Variants in TCF7L1 observed in about 807,000 individuals in gnomAD.
The protein encoded by TCF7L1 is transcription factor 7 like 1.
In TCF7L1, 18 loss-of-function variants were observed where a neutral mutation model predicts 63.7. The ratio of observed to expected loss-of-function variants is 0.28; its 90% CI spans 0.20 to 0.42. The LOEUF (loss-of-function observed/expected upper bound fraction) is 0.42, where lower values mean the gene tolerates loss of function less well. Among genes scored for constraint, TCF7L1 ranks in the 10% least tolerant of loss-of-function variants. The pLI is 1.00. For missense variants in TCF7L1, 654 were observed against 779.3 expected, an observed-to-expected ratio of 0.84 and a Z score of 1.91; for synonymous variants, 355 against 340.9, an observed-to-expected ratio of 1.04 and a Z score of -0.46.
chr2:85,303,707 C>T (rs1573034530), intron 5 of TCF7L1, 188 bp from the exon 6 acceptor site: 1 of 487,896 alleles, frequency 2.0e-6, no homozygotes, highest in East Asian at 3.2e-5. Context: ...AGTCCTGCCT[C>T]CCCTGAATAT....
chr2:85,286,371 CA>C (rs113858161), intron 4 of TCF7L1, among the ~76,000 whole-genome samples: 27 of 118,278 alleles, frequency 2.3e-4, no homozygotes, highest in South Asian at 1.5e-3. Context: ...AACAAACAAA[CA>C]AAAAAAAAAA....
intron 4 of TCF7L1, among the ~76,000 whole-genome samples, chr2:85,298,011 G>A (rs1199184256): frequency 6.6e-6 from 1 of 150,764 alleles, no homozygotes; most frequent in Non-Finnish European, 1.5e-5. Flanking sequence ...AGGATGGAGT[G>A]CAGTGGTGCG....
At chr2:85,303,423 AG>A (rs1682031225) in intron 5 of TCF7L1, 1 of 152,598 alleles carries the variant, frequency 6.6e-6, no homozygotes, top group Non-Finnish European at 1.5e-5. Flanking sequence ...CAGAGTTGCC[AG>A]GGGAAGGCAA....
intron 3 of TCF7L1, among the ~76,000 whole-genome samples, chr2:85,135,564 A>T (rs991369229): frequency 1.5e-4 from 23 of 152,146 alleles, no homozygotes; most frequent in African/African-American, 5.3e-4. Flanking sequence ...GACGATAATT[A>T]AAGGGTGCTA....
chr2:85,223,924 A>G (rs1484068219), intron 3 of TCF7L1, among the ~76,000 whole-genome samples: 1 of 152,054 alleles, frequency 6.6e-6, no homozygotes, highest in East Asian at 1.9e-4. Flanking sequence ...TTCTCCTAAC[A>G]CTATCCCTCC....
chr2:85,232,744 G>A (rs575020951), intron 3 of TCF7L1, among the ~76,000 whole-genome samples: 2 of 152,224 alleles, frequency 1.3e-5, no homozygotes, highest in South Asian at 4.1e-4. Flanking sequence ...ATCCAATCCC[G>A]GTTGTCATTA....
intron 3 of TCF7L1, among the ~76,000 whole-genome samples, chr2:85,224,725 T>TCTGTAG (rs1437184065): frequency 1.3e-5 from 2 of 152,240 alleles, no homozygotes; most frequent in African/African-American, 4.8e-5. Flanking sequence ...TTTCTCCTAT[T>TCTGTAG]CTGTAGGTTG....
chr2:85,140,685 G>A (rs62162827), intron 3 of TCF7L1, among the ~76,000 whole-genome samples: 16,863 of 152,046 alleles, frequency 0.11, 1,035 homozygotes, highest in Middle Eastern at 0.14. Flanking sequence ...CTGTAATCCC[G>A]GGTACTCAGG....
intron 4 of TCF7L1, among the ~76,000 whole-genome samples, chr2:85,290,561 A>G (rs1232446468): frequency 1.3e-5 from 2 of 152,242 alleles, no homozygotes; most frequent in Admixed American, 6.5e-5. Flanking sequence ...TTGCAGTCAT[A>G]CATGAGTTCA....
At chr2:85,283,402 G>A in intron 3 of TCF7L1, 93 bp from the exon 4 acceptor site, 1 of 1,382,716 alleles carries the variant, frequency 7.2e-7, no homozygotes, top group East Asian at 2.3e-5. Context: ...CCAATGGCCT[G>A]CCCCGGTGCC....
chr2:85,204,844 A>G (rs949985995), intron 3 of TCF7L1: 89 of 152,034 alleles, frequency 5.9e-4, no homozygotes, highest in African/African-American at 2.1e-3. Context: ...TTTTTTTTTA[A>G]TAAGCAGAGA....
chr2:85,245,692 G>A (rs892311748), intron 3 of TCF7L1, among the ~76,000 whole-genome samples: 2 of 152,056 alleles, frequency 1.3e-5, no homozygotes, highest in Non-Finnish European at 2.9e-5. Context: ...GTGGGCGCTT[G>A]TAGTCCCAGC....
intron 4 of TCF7L1, among the ~76,000 whole-genome samples, chr2:85,299,302 C>A (rs1447351721): frequency 6.6e-6 from 1 of 152,036 alleles, no homozygotes; most frequent in Non-Finnish European, 1.5e-5. Context: ...GTAATCCCAG[C>A]ACTTTGGGAG....
intron 4 of TCF7L1, among the ~76,000 whole-genome samples, chr2:85,298,584 G>C (rs1573032132): frequency 6.6e-6 from 1 of 151,750 alleles, no homozygotes; most frequent in Non-Finnish European, 1.5e-5. Flanking sequence ...GAAACAGACT[G>C]AAATAGACGG....
At position 85,262,074 on chromosome 2, in the gene TCF7L1, C is replaced by T. The variant is rs571933788; in HGVS notation, c.442-21421C>T. 2.4e-5 allele frequency: 13 copies of T among 537,404 alleles called. 1 individual carries two copies. Among genetic ancestry groups the T allele is most frequent in the South Asian group, 1.4e-4 (10 of 72,462 alleles). The allele number at this position is 537,404 out of a possible 1,614,324, so 33.3% of individuals were successfully genotyped here. On this transcript the variant is annotated intron_variant, in intron 3 of 11. Coordinates refer to ENST00000282111, the MANE Select transcript of TCF7L1 (RefSeq NM_031283.3). ...ACACTTTGTAGCAGAGGAATACCTCCTTTTAGCATGATCCGACCCAGTTGT... is the reference window on the plus strand; with the variant it reads ...ACACTTTGTAGCAGAGGAATACCTCTTTTTAGCATGATCCGACCCAGTTGT...
chr2:85,214,728 G>A (rs72840151), intron 3 of TCF7L1, among the ~76,000 whole-genome samples: 3,685 of 152,196 alleles, frequency 0.024, 59 homozygotes, highest in Middle Eastern at 0.041. Flanking sequence ...GTGGGGAATC[G>A]CTCTGAACCT....
In TCF7L1 at chr2:85,134,209, CCGTGGGGCGCG is replaced by C. The variant is rs1347616084; in HGVS notation, c.314-106_314-96del. 1 of 1,482,916 alleles carries C rather than the reference CCGTGGGGCGCG, an allele frequency of 6.7e-7. No individual in the cohort carries two copies. The highest frequency in any genetic ancestry group is 9.0e-7 in the Non-Finnish European group (1 of 1,114,750). The allele number at this position is 1,482,916 out of a possible 1,614,324, so 91.9% of individuals were successfully genotyped here. ...CCTCCGCCTTTATTGGCGGCAGCCC[CCGTGGGGCGCG>C]CGTGGGGGGCGCTGGGGTCCCCAGC... On this transcript the variant is annotated intron_variant, in intron 2 of 11. Coordinates refer to ENST00000282111, the MANE Select transcript of TCF7L1 (RefSeq NM_031283.3). The surrounding 1 kb of genome is among the most constrained non-coding windows in gnomAD (Gnocchi z 5.0).
At chr2:85,234,217 C>T (rs1458688010) in intron 3 of TCF7L1, among the ~76,000 whole-genome samples, 1 of 147,710 alleles carries the variant, frequency 6.8e-6, no homozygotes, top group Non-Finnish European at 1.5e-5. Context: ...CTCACTGCAA[C>T]CTCTGCCTCC....
intron 3 of TCF7L1, among the ~76,000 whole-genome samples, chr2:85,279,378 G>GTTA (rs1681359524): frequency 1.2e-5 from 1 of 80,062 alleles, no homozygotes; most frequent in East Asian, 1.0e-3. Context: ...GGGCAACGTA[G>GTTA]CAAGACCCCC....
Sources: gnomAD v4.1 joint callset for allele counts (sites outside exome capture counted in the v4.1 genomes callset) on GRCh38, gnomAD v4.1.1 for gene constraint, Gnocchi (gnomAD v3.1) non-coding constraint, MANE v1.5 for transcripts, NCBI Gene and HGNC (gene_info 2026-07-23, HGNC 2026-07-21) for gene names.